The following PTPN23 variants were observed in gnomAD, a reference collection of about 807,000 sequenced individuals.
The protein encoded by PTPN23 is protein tyrosine phosphatase non-receptor type 23.
A neutral mutation model predicts 156.3 loss-of-function variants in PTPN23; 72 were observed. The ratio of observed to expected loss-of-function variants is 0.46; its 90% confidence interval spans 0.38 to 0.56. PTPN23 has a LOEUF of 0.56. Ranked by LOEUF, PTPN23 falls within the 20% of genes least tolerant of loss-of-function variation. The pLI is 0.00. For missense variants in PTPN23, 1,974 were observed against 2,171.5 expected (o/e 0.91, Z 1.81); for synonymous variants, 957 against 899.6 (o/e 1.06, Z -1.14).
rs765213439 is a variant in PTPN23, at chr3:47,410,833, C to T, written c.3035C>T (p.Pro1012Leu). Reference sequence around the variant, plus strand: ...CCTGGGGTCCTGGGGCAGCCGCCACCCCCCCTACACACCCAGCTCTACCCA... The same window carrying T: ...CCTGGGGTCCTGGGGCAGCCGCCACTCCCCCTACACACCCAGCTCTACCCA... The part of the protein sequence containing the change: ...PQPGVLGQPP[P>L]PLHTQLYPGP... The change falls in exon 20 of 25, where the codon CCC becomes CTC. Residue 1012 changes from proline (P) to leucine (L), a missense_variant. Pro to Leu is a moderately conservative substitution (Grantham distance 98). This residue lies in a region of PTPN23 where 731 missense variants were observed against 669.1 expected (regional missense o/e 1.09). Coordinates refer to ENST00000265562, the MANE Select transcript of PTPN23 (RefSeq NM_015466.4). 4 of 1,602,342 alleles carry T rather than the reference C, an allele frequency of 2.5e-6. No individual in the cohort carries two copies. Among genetic ancestry groups the T allele is most frequent in the South Asian group, 2.2e-5 (2 of 90,804 alleles).
chr3:47,406,462 G>T lies in PTPN23; in HGVS notation c.628-19G>T. 1 of 1,613,924 alleles carries T rather than the reference G, an allele frequency of 6.2e-7. No individual in the cohort carries two copies. The highest frequency in any genetic ancestry group is 1.1e-5 in the South Asian group (1 of 91,082). ...TTACTGCTGACTCCCCCACTCATTG[G>T]GCCCCACCCTGTTCTCAGGTGGTAG... On this transcript the variant is annotated intron_variant, in intron 7 of 24. Transcript: ENST00000265562. The surrounding 1 kb of genome is among the most constrained non-coding windows in gnomAD (Gnocchi z 5.8).
At chr3:47,402,832 AG>A (rs1266441654) in intron 2 of PTPN23, among the ~76,000 whole-genome samples, 1 of 152,024 alleles carries the variant, frequency 6.6e-6, no homozygotes, top group Non-Finnish European at 1.5e-5. Context: ...AAGCCTCCCG[AG>A]TAGCTGGGAT....
chr3:47,404,553 C>A, intron 2 of PTPN23, 99 bp from the exon 3 acceptor site: 7 of 1,512,072 alleles, frequency 4.6e-6, no homozygotes, highest in Admixed American at 1.7e-5. Context: ...GTGCAGTCGG[C>A]CAGCTGTGAT....
rs1421638283 is a variant in PTPN23 at position 47,397,960 on chromosome 3, C to T, written c.159+1743C>T. On this transcript the variant is annotated intron_variant, in intron 2 of 24. Transcript: ENST00000265562. ...TGCTGGGATTACAGGTGTGAGCCAC[C>T]GCGCCCCGCCTGGTGAAGATATTTT... Among the ~76,000 whole-genome samples the T allele has an allele frequency of 3.3e-5, 5 of 152,200 alleles. No homozygotes were observed. In the South Asian group the frequency reaches 8.3e-4, roughly 25 times the overall value.
rs1304436832 is a variant in PTPN23, at chr3:47,411,198, C to T, written c.3400C>T (p.Pro1134Ser). The T allele has an allele frequency of 2.5e-6, 4 of 1,604,230 alleles. No homozygotes were observed. Among genetic ancestry groups the T allele is most frequent in the Non-Finnish European group, 2.5e-6 (3 of 1,178,038 alleles). The change falls in exon 20 of 25, where the codon CCT becomes TCT. Residue 1134 changes from proline to serine, a missense_variant. This residue lies in a region of PTPN23 where 731 missense variants were observed against 669.1 expected (regional missense o/e 1.09). Coordinates refer to ENST00000265562, the MANE Select transcript of PTPN23 (RefSeq NM_015466.4). This position sits in a 1 kb window ranked among gnomAD's most constrained non-coding sequence, Gnocchi z 6.3. ...PESQHGGTQSPGGGQPLLQPT... is the reference protein window; with the variant it reads ...PESQHGGTQSSGGGQPLLQPT... Reference sequence around the variant, plus strand: ...GAGCCAGCATGGCGGCACTCAGTCTCCTGGGGGTGGGCAGCCCCTGCTGCA... The same window carrying T: ...GAGCCAGCATGGCGGCACTCAGTCTTCTGGGGGTGGGCAGCCCCTGCTGCA...
intron 2 of PTPN23, 152 bp from the exon 3 acceptor site, chr3:47,404,500 C>A: frequency 2.4e-6 from 2 of 850,568 alleles, no homozygotes; most frequent in Non-Finnish European, 3.5e-6. Context: ...TTTTGTTGAA[C>A]GACTATAGGT....
In PTPN23 at chr3:47,411,776, C is replaced by T. The variant is rs772999569; in HGVS notation, c.3889-7C>T. On this transcript the variant is annotated splice_polypyrimidine_tract_variant and splice_region_variant and intron_variant, in intron 20 of 24. Transcript: ENST00000265562. The surrounding 1 kb of genome is among the most constrained non-coding windows in gnomAD (Gnocchi z 6.3). ...ACCAGGTCTGTCTTGGCTTATCTGT[C>T]CCTCAGCAAAAAGTGGCACGCTACT... is the stretch of plus-strand genomic sequence containing the variant. The T allele has an allele frequency of 5.2e-5, 83 of 1,601,720 alleles. No individual in the cohort carries two copies. The highest frequency in any genetic ancestry group is 6.4e-5 in the Non-Finnish European group (75 of 1,172,806).
In PTPN23 at chr3:47,410,677, A is replaced by G. The variant is rs1032732779; in HGVS notation, c.2879A>G (p.Gln960Arg). The change falls in exon 20 of 25, where the codon CAG becomes CGG. Residue 960 changes from glutamine to arginine, a missense_variant. Coordinates refer to ENST00000265562, the MANE Select transcript of PTPN23 (RefSeq NM_015466.4). Reference protein sequence around the residue: ...RIGPQPQPHPQPHPSQAFGPQ... With the variant: ...RIGPQPQPHPRPHPSQAFGPQ... ...GGGCCCCAGCCCCAGCCCCATCCTC[A>G]GCCCCATCCTTCACAAGCGTTTGGG... The G allele has an allele frequency of 1.3e-6, 2 of 1,588,488 alleles. No homozygotes were observed. Among genetic ancestry groups the G allele is most frequent in the Admixed American group, 3.5e-5 (2 of 57,326 alleles).
chr3:47,409,386 T>G, intron 17 of PTPN23, 31 bp from the exon 18 acceptor site: 3 of 1,613,524 alleles, frequency 1.9e-6, no homozygotes, highest in Non-Finnish European at 2.5e-6. Flanking sequence ...AGGCCCTGAG[T>G]GTCCGTCCCT....
Position 47,405,499 on chromosome 3 carries a change from T to C in PTPN23, c.365-250T>C, listed in dbSNP as rs1705100811. ...CCCCAGAGTTCTGTGCAAACATCCCTGAAGCTTCAAGATTGGACCCCTTGG... is the reference window on the plus strand; with the variant it reads ...CCCCAGAGTTCTGTGCAAACATCCCCGAAGCTTCAAGATTGGACCCCTTGG... On this transcript the variant is annotated intron_variant, in intron 4 of 24. Transcript: ENST00000265562. This position sits in a 1 kb window ranked among gnomAD's most constrained non-coding sequence, Gnocchi z 4.7. 1.8e-6 allele frequency: 1 copy of C among 566,160 alleles called. No individual in the cohort carries two copies. The highest frequency in any genetic ancestry group is 3.1e-6 in the Non-Finnish European group (1 of 319,060). 35.1% of individuals were successfully genotyped at this position (566,160 alleles called of 1,614,324 possible).
At chr3:47,381,772 G>C (rs757542715) in intron 1 of PTPN23, among the ~76,000 whole-genome samples, 2 of 152,188 alleles carry the variant, frequency 1.3e-5, no homozygotes, top group Non-Finnish European at 2.9e-5. Context: ...ACAATCCCAC[G>C]ACATTTTTAG....
rs867440135 is a variant in PTPN23 at position 47,411,916 on chromosome 3, A to C, written c.4022A>C (p.Gln1341Pro). The change falls in exon 21 of 25, where the codon CAG (glutamine) becomes CCG (proline). Residue 1341 changes from glutamine (Q) to proline (P), a missense_variant. By Grantham distance (76) the Gln-to-Pro change is moderately conservative (BLOSUM62 -1). Around this residue, in one of 4 missense-constraint regions of PTPN23, gnomAD observed 484 missense variants for 516.0 expected, o/e 0.94. Transcript: ENST00000265562. The surrounding 1 kb of genome is among the most constrained non-coding windows in gnomAD (Gnocchi z 6.3). ...GTGCTGAGCCTGCAGTTCCGAGACCAGAGCCTCAAGCGCTCTCTTGTGCAC... is the reference window on the plus strand; with the variant it reads ...GTGCTGAGCCTGCAGTTCCGAGACCCGAGCCTCAAGCGCTCTCTTGTGCAC... The part of the protein sequence containing the change: ...ERVLSLQFRD[Q>P]SLKRSLVHLH... The C allele has an allele frequency of 1.2e-6, 2 of 1,613,174 alleles. No homozygotes were observed. Among genetic ancestry groups the C allele is most frequent in the Admixed American group, 1.7e-5 (1 of 59,940 alleles).
chr3:47,402,389 C>T (rs1172854322), intron 2 of PTPN23, among the ~76,000 whole-genome samples: 1 of 152,074 alleles, frequency 6.6e-6, no homozygotes, highest in Non-Finnish European at 1.5e-5. Context: ...AAGTGATTCT[C>T]CTGCCTCAGC....
chr3:47,402,972 C>G (rs1302369038), intron 2 of PTPN23, among the ~76,000 whole-genome samples: 1 of 151,540 alleles, frequency 6.6e-6, no homozygotes, highest in Non-Finnish European at 1.5e-5. Context: ...TCCCAAAGTG[C>G]TAGGATTATG....
chr3:47,411,190 C>A lies in PTPN23; in HGVS notation c.3392C>A (p.Thr1131Asn). ...AGCCCGGAGAGCCAGCATGGCGGCA[C>A]TCAGTCTCCTGGGGGTGGGCAGCCC... ...SSSPESQHGG[T>N]QSPGGGQPLL... Residue 1131 changes from threonine to asparagine, a missense_variant, in exon 20 of 25, where the codon ACT becomes AAT. Around this residue, in one of 4 missense-constraint regions of PTPN23, gnomAD observed 731 missense variants for 669.1 expected, o/e 1.09. Coordinates refer to ENST00000265562, the MANE Select transcript of PTPN23 (RefSeq NM_015466.4). The surrounding 1 kb of genome is among the most constrained non-coding windows in gnomAD (Gnocchi z 6.3). The A allele has an allele frequency of 6.2e-7, 1 of 1,603,954 alleles. No individual in the cohort carries two copies. The highest frequency in any genetic ancestry group is 8.5e-7 in the Non-Finnish European group (1 of 1,177,728).
intron 1 of PTPN23, among the ~76,000 whole-genome samples, chr3:47,390,603 G>A (rs1167701433): frequency 6.6e-6 from 1 of 152,126 alleles, no homozygotes; most frequent in Non-Finnish European, 1.5e-5. Context: ...AGACCATAGC[G>A]AAATGGGGAC....
At position 47,411,639 on chromosome 3, in the gene PTPN23, A is replaced by C. The variant is rs774784841; in HGVS notation, c.3841A>C (p.Lys1281Gln). ...CTTCTGGCTCATGGTCCATGAGCAG[A>C]AAGTGTCAGTCATTGTCATGCTGGT... Reference protein sequence around the residue: ...ADFWLMVHEQKVSVIVMLVSE... With the variant: ...ADFWLMVHEQQVSVIVMLVSE... The change falls in exon 20 of 25, where the codon AAA becomes CAA. Residue 1281 changes from lysine (K) to glutamine (Q), a missense_variant. Physicochemically the swap from Lys to Gln is moderately conservative, Grantham distance 53. Around this residue, in one of 4 missense-constraint regions of PTPN23, gnomAD observed 484 missense variants for 516.0 expected, o/e 0.94. Transcript: ENST00000265562. This position sits in a 1 kb window ranked among gnomAD's most constrained non-coding sequence, Gnocchi z 6.3. The C allele has an allele frequency of 6.8e-6, 11 of 1,609,950 alleles. No homozygotes were observed. Among genetic ancestry groups the C allele is most frequent in the Non-Finnish European group, 9.3e-6 (11 of 1,178,358 alleles).
chr3:47,400,799 C>T (rs1365505215), intron 2 of PTPN23, among the ~76,000 whole-genome samples: 2 of 152,208 alleles, frequency 1.3e-5, no homozygotes, highest in Non-Finnish European at 2.9e-5. Context: ...GTCTCAAACT[C>T]TCAACCTCAG....
At chr3:47,391,310 A>G (rs1184209755) in intron 1 of PTPN23, among the ~76,000 whole-genome samples, 1 of 152,220 alleles carries the variant, frequency 6.6e-6, no homozygotes, top group East Asian at 1.9e-4. Context: ...TCTAATATGG[A>G]AAGAACATGG....
Sources: allele counts gnomAD v4.1 joint callset (sites outside exome capture counted in the v4.1 genomes callset), GRCh38; gene constraint gnomAD v4.1.1; regional missense constraint gnomAD v4.1.1; non-coding constraint Gnocchi (gnomAD v3.1); transcripts MANE v1.5; gene names NCBI Gene and HGNC (gene_info 2026-07-23, HGNC 2026-07-21).